FBH1: variants seen among roughly 807,000 people sequenced by gnomAD.
The protein encoded by FBH1 is DNA 3'-5' helicase 1.
A neutral mutation model predicts 115.5 loss-of-function variants in FBH1; 43 were observed. The ratio of observed to expected loss-of-function variants is 0.37; its 90% CI spans 0.29 to 0.48. The LOEUF (loss-of-function observed/expected upper bound fraction) is 0.48. Among genes scored for constraint, FBH1 ranks in the 20% least tolerant of loss-of-function variants. The pLI is 0.99. For synonymous variants in FBH1, 524 were observed against 507.8 expected, an observed-to-expected ratio of 1.03 and a Z score of -0.43; for missense variants, 1,001 against 1,337.3, an observed-to-expected ratio of 0.75 and a Z score of 3.92.
rs547418764 is a variant in FBH1 at position 5,895,109 on chromosome 10, G to A, written c.1+4763G>A. ...GTCATGTGATAATGGGCTACATTGC[G>A]CAGGGCCCCTGGGCCATCTCCACAG... On this transcript the variant is annotated intron_variant, in intron 1 of 20. Transcript: ENST00000362091. This position sits in a 1 kb window ranked among gnomAD's most constrained non-coding sequence, Gnocchi z 5.0. 1.3e-5 allele frequency: 21 copies of A among 1,613,916 alleles called. No individual in the cohort carries two copies. The highest frequency in any genetic ancestry group is 4.4e-5 in the South Asian group (4 of 91,064).
chr10:5,893,019 G>A (rs1343627939), intron 1 of FBH1, among the ~76,000 whole-genome samples: 4 of 152,136 alleles, frequency 2.6e-5, no homozygotes, highest in African/African-American at 7.2e-5. Context: ...TTAAAAATTG[G>A]ATGAGGCCGG....
rs1192975233 is a variant in FBH1, at chr10:5,915,501, G to A, written c.1495G>A (p.Glu499Lys). 4.3e-6 allele frequency: 7 copies of A among 1,614,198 alleles called. No homozygotes were observed. Among genetic ancestry groups the A allele is most frequent in the East Asian group, 4.5e-5 (2 of 44,876 alleles). Residue 499 changes from glutamate (E) to lysine (K), a missense_variant, in exon 9 of 21, where the codon GAA (glutamate) becomes AAA (lysine). This residue lies in a region of FBH1 where 521 missense variants were observed against 811.0 expected (regional missense o/e 0.64). Coordinates refer to ENST00000362091, the MANE Select transcript of FBH1 (RefSeq NM_178150.3). This position sits in a 1 kb window ranked among gnomAD's most constrained non-coding sequence, Gnocchi z 5.2. The part of the protein sequence containing the change: ...TFNKSIAKQA[E>K]RVFPSNVICK... Reference sequence around the variant, plus strand: ...CAACAAGAGCATCGCAAAGCAGGCCGAACGCGTCTTCCCCAGCAACGTCAT... The same window carrying A: ...CAACAAGAGCATCGCAAAGCAGGCCAAACGCGTCTTCCCCAGCAACGTCAT...
At chr10:5,919,495 T>A (rs1179602504) in intron 13 of FBH1, among the ~76,000 whole-genome samples, 1 of 152,052 alleles carries the variant, frequency 6.6e-6, no homozygotes, top group Non-Finnish European at 1.5e-5. Flanking sequence ...TAAAAAAAAA[T>A]AGTTTTTAAT....
In FBH1 at chr10:5,921,242, G is replaced by C; in HGVS notation, c.2101-16G>C. ...ACAGGGCGGGCTGCTGACTCCCTCT[G>C]TCTTGTTGTTTTCAGAGTTTTCGGT... On this transcript the variant is annotated splice_polypyrimidine_tract_variant and intron_variant, in intron 13 of 20. Transcript: ENST00000362091. The surrounding 1 kb of genome is among the most constrained non-coding windows in gnomAD (Gnocchi z 6.4). The C allele has an allele frequency of 6.2e-7, 1 of 1,613,388 alleles. No individual in the cohort carries two copies. The highest frequency in any genetic ancestry group is 8.5e-7 in the Non-Finnish European group (1 of 1,179,424).
Position 5,933,418 on chromosome 10 carries a change from T to G in FBH1, c.2830-3038T>G, listed in dbSNP as rs1052549283. Among the ~76,000 whole-genome samples, 5 of 152,184 alleles carry G rather than the reference T, an allele frequency of 3.3e-5. No individual in the cohort carries two copies. The highest frequency in any genetic ancestry group is 3.3e-4 in the Admixed American group (5 of 15,272). ...AAACAAACAAAAAAGTGAAGTAGACTTTTTAAAGCTGATTGGAAGGTTGTC... is the reference window on the plus strand; with the variant it reads ...AAACAAACAAAAAAGTGAAGTAGACGTTTTAAAGCTGATTGGAAGGTTGTC... On this transcript the variant is annotated intron_variant, in intron 19 of 20. Coordinates refer to ENST00000362091, the MANE Select transcript of FBH1 (RefSeq NM_178150.3). This position sits in a 1 kb window ranked among gnomAD's most constrained non-coding sequence, Gnocchi z 4.9.
At chr10:5,908,640 C>G (rs1008425882) in intron 3 of FBH1, among the ~76,000 whole-genome samples, 4 of 150,612 alleles carry the variant, frequency 2.7e-5, no homozygotes, top group East Asian at 3.9e-4. Flanking sequence ...CTCACTCTGT[C>G]ACCCAGGCTA....
rs1215077260 is a variant in FBH1, at chr10:5,923,011, T to G, written c.2323-610T>G. Among the ~76,000 whole-genome samples the G allele has an allele frequency of 4.6e-5, 7 of 152,196 alleles. No homozygotes were observed. Among genetic ancestry groups the G allele is most frequent in the Non-Finnish European group, 8.8e-5 (6 of 68,040 alleles). On this transcript the variant is annotated intron_variant, in intron 15 of 20. Transcript: ENST00000362091. The surrounding 1 kb of genome is among the most constrained non-coding windows in gnomAD (Gnocchi z 5.7). Reference sequence around the variant, plus strand: ...GATTCTCGTGCCTCGGCCTCCTGACTAGCTGGGACCATAGGCGCCTGCCAC... The same window carrying G: ...GATTCTCGTGCCTCGGCCTCCTGACGAGCTGGGACCATAGGCGCCTGCCAC...
intron 3 of FBH1, among the ~76,000 whole-genome samples, chr10:5,907,107 C>G (rs532957059): frequency 6.6e-6 from 1 of 152,090 alleles, no homozygotes; most frequent in African/African-American, 2.4e-5. Flanking sequence ...GGATTACAGG[C>G]GTGCGCCACC....
rs897765093 is a variant in FBH1, at chr10:5,933,557, C to T, written c.2830-2899C>T. ...GGGCTGTCTGCCCTCAGGGGTCCTG[C>T]GAGGAAGTCCCAGAAAAACTGCCTA... is the stretch of plus-strand genomic sequence containing the variant. On this transcript the variant is annotated intron_variant, in intron 19 of 20. Transcript: ENST00000362091. This position sits in a 1 kb window ranked among gnomAD's most constrained non-coding sequence, Gnocchi z 4.9. Among the ~76,000 whole-genome samples, 3 of 151,994 alleles carry T rather than the reference C, an allele frequency of 2.0e-5. No homozygotes were observed. Among genetic ancestry groups the T allele is most frequent in the East Asian group, 1.9e-4 (1 of 5,184 alleles).
chr10:5,893,446 C>T (rs1049153380), intron 1 of FBH1, among the ~76,000 whole-genome samples: 2 of 152,198 alleles, frequency 1.3e-5, no homozygotes, highest in Admixed American at 1.3e-4. Flanking sequence ...GCTCCAAATT[C>T]CTTTTCCAGC....
In FBH1 at chr10:5,895,857, A is replaced by G. The variant is rs1589044772; in HGVS notation, c.1+5511A>G. ...TGCTGTTCCCATTGCATTGGCTGGC[A>G]CCCAGCGGTAAGGCGACATCCACCT... On this transcript the variant is annotated intron_variant, in intron 1 of 20. Transcript: ENST00000362091. The surrounding 1 kb of genome is among the most constrained non-coding windows in gnomAD (Gnocchi z 5.0). 6.6e-6 allele frequency among the ~76,000 whole-genome samples: 1 copy of G among 152,190 alleles called. No homozygotes were observed.
chr10:5,890,213 G>T, upstream of FBH1: 1 of 350,316 alleles, frequency 2.9e-6, no homozygotes, highest in Non-Finnish European at 5.4e-6. Context: ...GGAGCTCGCG[G>T]AGGAAGTCGG....
chr10:5,920,073 T>A (rs1832225384), intron 13 of FBH1, among the ~76,000 whole-genome samples: 1 of 152,230 alleles, frequency 6.6e-6, no homozygotes, highest in African/African-American at 2.4e-5. Context: ...CCACATTACA[T>A]GTAACCATGT....
chr10:5,908,807 C>T (rs931707062), intron 3 of FBH1, 118 bp from the exon 4 acceptor site: 16 of 1,137,502 alleles, frequency 1.4e-5, no homozygotes, highest in Admixed American at 7.9e-5. Flanking sequence ...GACGGGGCTT[C>T]ACCATGTTGG....
At chr10:5,912,251 C>A (rs773251195) in intron 6 of FBH1, among the ~76,000 whole-genome samples, 18 of 151,810 alleles carry the variant, frequency 1.2e-4, no homozygotes, top group Non-Finnish European at 2.2e-4. Context: ...CTAATCCCAG[C>A]TACTCGGGAA....
Position 5,903,159 on chromosome 10 carries a change from A to G in FBH1, c.141A>G (p.Thr47=), listed in dbSNP as rs759306794. ...PNHGLYPKPR[T]KRGSRGQGSQ... ...ATGGTCTCTATCCTAAACCGAGAAC[A>G]AAAAGAGGGAGTAGGGGTATGTCTC... The change falls in exon 2 of 21, where the codon ACA becomes ACG. Residue 47 remains threonine, a synonymous_variant. Coordinates refer to ENST00000362091, the MANE Select transcript of FBH1 (RefSeq NM_178150.3). The G allele has an allele frequency of 2.5e-6, 4 of 1,611,704 alleles. No homozygotes were observed. Among genetic ancestry groups the G allele is most frequent in the Admixed American group, 1.7e-5 (1 of 59,724 alleles).
Position 5,906,390 on chromosome 10 carries a change from T to G in FBH1, c.511T>G (p.Ser171Ala). The change falls in exon 3 of 21, where the codon TCT becomes GCT. Residue 171 changes from serine (S) to alanine (A), a missense_variant. By Grantham distance (99) the Ser-to-Ala change is moderately conservative. This residue lies in a region of FBH1 where 420 missense variants were observed against 430.4 expected (regional missense o/e 0.98). Transcript: ENST00000362091. The surrounding 1 kb of genome is among the most constrained non-coding windows in gnomAD (Gnocchi z 7.3). ...CAGGCAAGAAGCAGAGGACAGTACG[T>G]CTCGGCTCTCTGCGGAGTCTGGTGA... ...EARQEAEDST[S>A]RLSAESGETD... The G allele has an allele frequency of 6.2e-7, 1 of 1,614,124 alleles. No individual in the cohort carries two copies. The highest frequency in any genetic ancestry group is 8.5e-7 in the Non-Finnish European group (1 of 1,179,938).
intron 1 of FBH1, among the ~76,000 whole-genome samples, chr10:5,901,514 T>C (rs1238284629): frequency 1.3e-5 from 2 of 152,050 alleles, no homozygotes; most frequent in African/African-American, 4.8e-5. Context: ...CCTGATTTTA[T>C]TCTCTTTTGA....
chr10:5,904,470 G>T (rs1307530357), intron 2 of FBH1, among the ~76,000 whole-genome samples: 1 of 152,138 alleles, frequency 6.6e-6, no homozygotes, highest in East Asian at 1.9e-4. Flanking sequence ...TCTCTATTTT[G>T]AGTTTTTTAC....
Sources: gnomAD v4.1 joint callset for allele counts (sites outside exome capture counted in the v4.1 genomes callset) on GRCh38, gnomAD v4.1.1 for gene constraint, gnomAD v4.1.1 regional missense constraint, Gnocchi (gnomAD v3.1) non-coding constraint, MANE v1.5 for transcripts, NCBI Gene and HGNC (gene_info 2026-07-23, HGNC 2026-07-21) for gene names.